PAMR1: variants seen among roughly 807,000 people sequenced by gnomAD.
PAMR1 encodes inactive serine protease PAMR1.
In PAMR1, 88 loss-of-function variants were observed where a neutral mutation model predicts 81.8. The observed-to-expected ratio is 1.08, with a 90% CI of 0.91 to 1.28. PAMR1 has a LOEUF of 1.28. Ranked by LOEUF, PAMR1 falls within the 50% of genes most tolerant of loss-of-function variation. PAMR1 has a pLI of 0.00. For missense variants in PAMR1, 935 were observed against 919.7 expected (o/e 1.02, Z -0.21); for synonymous variants, 336 against 345.3 (o/e 0.97, Z 0.30).
upstream of PAMR1, chr11:35,529,851 A>C (rs1484602040): frequency 6.6e-6 from 1 of 152,230 alleles, no homozygotes; most frequent in Admixed American, 6.5e-5. Context: ...CAGGAATAAA[A>C]AATTGGCTGT....
At position 35,470,703 on chromosome 11, in the gene PAMR1, G is replaced by T. The variant is rs1310498920; in HGVS notation, c.610C>A (p.Pro204Thr). The T allele has an allele frequency of 6.2e-7, 1 of 1,614,134 alleles. No homozygotes were observed. Among genetic ancestry groups the T allele is most frequent in the African/African-American group, 1.3e-5 (1 of 75,036 alleles). Reference protein sequence around the residue: ...IIKRVCGNERPAPIQSIGSSL... With the variant: ...IIKRVCGNERTAPIQSIGSSL... ...GATCCTATGCTCTGGATAGGAGCTGGCCGCTCGTTGCCACAGACACGCTTG... is the reference window on the plus strand; with the variant it reads ...GATCCTATGCTCTGGATAGGAGCTGTCCGCTCGTTGCCACAGACACGCTTG... Residue 204 changes from proline (P) to threonine (T), a missense_variant, in exon 5 of 11, where the codon CCA becomes ACA. Coordinates refer to ENST00000619888, the MANE Select transcript of PAMR1 (RefSeq NM_001001991.3).
chr11:35,480,094 A>G (rs1051167985), intron 3 of PAMR1, among the ~76,000 whole-genome samples: 3 of 152,218 alleles, frequency 2.0e-5, no homozygotes. Flanking sequence ...GAGCAGGAAT[A>G]TCATCTGTCC....
At chr11:35,517,762 A>G (rs1851193772) in intron 1 of PAMR1, among the ~76,000 whole-genome samples, 1 of 152,212 alleles carries the variant, frequency 6.6e-6, no homozygotes, top group African/African-American at 2.4e-5. Flanking sequence ...CTCTCAGTAG[A>G]TTGCAAGTGC....
chr11:35,522,807 C>A (rs1851307482), intron 1 of PAMR1, among the ~76,000 whole-genome samples: 1 of 152,154 alleles, frequency 6.6e-6, no homozygotes, highest in African/African-American at 2.4e-5. Context: ...CTCTCTGAAC[C>A]TCATCTGTAA....
At chr11:35,440,586 C>A (rs1449832408) in intron 7 of PAMR1, among the ~76,000 whole-genome samples, 2 of 152,136 alleles carry the variant, frequency 1.3e-5, no homozygotes, top group Non-Finnish European at 2.9e-5. Context: ...CAGTAAACAG[C>A]CAGATCATTG....
At chr11:35,517,875 T>C (rs967096614) in intron 1 of PAMR1, among the ~76,000 whole-genome samples, 3 of 152,210 alleles carry the variant, frequency 2.0e-5, no homozygotes, top group Non-Finnish European at 4.4e-5. Context: ...AATAAATACA[T>C]GAATATGGAC....
chr11:35,461,256 G>A (rs1286990611), intron 6 of PAMR1, among the ~76,000 whole-genome samples: 2 of 152,240 alleles, frequency 1.3e-5, no homozygotes, highest in African/African-American at 2.4e-5. Flanking sequence ...CAAAGCGTAA[G>A]CAAAGCGTTA....
chr11:35,442,767 T>A (rs539580004), intron 6 of PAMR1, among the ~76,000 whole-genome samples: 16 of 152,042 alleles, frequency 1.1e-4, no homozygotes, highest in African/African-American at 3.9e-4. Context: ...ACACACCAGC[T>A]AATTTTTGTA....
chr11:35,476,284 C>T (rs140525787), intron 3 of PAMR1, among the ~76,000 whole-genome samples: 9 of 152,274 alleles, frequency 5.9e-5, no homozygotes, highest in South Asian at 4.1e-4. Context: ...CCTAGTAATA[C>T]GGTTTGGCTG....
Position 35,441,648 on chromosome 11 carries a change from C to G in PAMR1, c.866G>C (p.Gly289Ala), listed in dbSNP as rs767585784. ...AGGGCCCCCTGTTATTTTCTGGTAC[C>G]CATTGACTGGGCCCCCAGGGTCTGA... Reference protein sequence around the residue: ...NCSDPGGPVNGYQKITGGPGL... With the variant: ...NCSDPGGPVNAYQKITGGPGL... Residue 289 changes from glycine (G) to alanine (A), a missense_variant, in exon 7 of 11, where the codon GGG (glycine) becomes GCG (alanine). Gly to Ala is a moderately conservative substitution (Grantham distance 60). Transcript: ENST00000619888. 13 of 1,613,858 alleles carry G rather than the reference C, an allele frequency of 8.1e-6. No homozygotes were observed. Among genetic ancestry groups the G allele is most frequent in the Non-Finnish European group, 8.5e-7 (1 of 1,179,850 alleles).
intron 2 of PAMR1, among the ~76,000 whole-genome samples, chr11:35,493,146 C>A (rs1260620110): frequency 6.6e-6 from 1 of 152,166 alleles, no homozygotes; most frequent in East Asian, 1.9e-4. Context: ...ATCCCTCTAC[C>A]TCTCACCATC....
intron 1 of PAMR1, among the ~76,000 whole-genome samples, chr11:35,498,269 TGA>T (rs1850764755): frequency 2.0e-5 from 3 of 151,902 alleles, no homozygotes; most frequent in South Asian, 4.2e-4. Flanking sequence ...GGAGGGAGAG[TGA>T]GAGAGAACAA....
intron 2 of PAMR1, among the ~76,000 whole-genome samples, chr11:35,492,873 A>C (rs897774999): frequency 1.3e-5 from 2 of 152,202 alleles, no homozygotes; most frequent in Admixed American, 1.3e-4. Context: ...GGGTCGTGAG[A>C]AAAAGTACAA....
intron 5 of PAMR1, among the ~76,000 whole-genome samples, chr11:35,469,349 G>T (rs1460443757): frequency 6.6e-6 from 1 of 152,240 alleles, no homozygotes; most frequent in African/African-American, 2.4e-5. Context: ...AGAGGAGCAA[G>T]ACATTCTCCT....
Position 35,492,098 on chromosome 11 carries a change from T to C in PAMR1, c.326A>G (p.Lys109Arg). ...TCGGCACTCTGCACAGTAGAACCCC[T>C]TCACATAGAAGTCATCCAAGGTACC... The part of the protein sequence containing the change: ...WGGTLDDFYV[K>R]GFYCAECRAG... The change falls in exon 3 of 11, where the codon AAG (lysine) becomes AGG (arginine). Residue 109 changes from lysine (K) to arginine (R), a missense_variant. Transcript: ENST00000619888. 6.2e-7 allele frequency: 1 copy of C among 1,614,080 alleles called. No homozygotes were observed. The highest frequency in any genetic ancestry group is 2.2e-5 in the East Asian group (1 of 44,886).
chr11:35,476,899 C>A (rs190544066), intron 3 of PAMR1, among the ~76,000 whole-genome samples: 2 of 151,940 alleles, frequency 1.3e-5, no homozygotes, highest in Non-Finnish European at 2.9e-5. Context: ...TGCCCAACTC[C>A]GGCCCTTGTA....
intron 1 of PAMR1, among the ~76,000 whole-genome samples, chr11:35,498,940 G>A (rs1279569231): frequency 1.3e-5 from 2 of 152,172 alleles, no homozygotes; most frequent in Admixed American, 1.3e-4. Context: ...CCACAGTTGA[G>A]AATCGTTTTC....
rs183773638 is a variant in PAMR1 at position 35,466,585 on chromosome 11, G to T, written c.820+1416C>A. ...TGTTAAAAATACAAAAAATTAGCCG[G>T]GTGTGGTGGCGGGCGCCTGTAGTCC... is the stretch of plus-strand genomic sequence containing the variant. On this transcript the variant is annotated intron_variant, in intron 6 of 10. Coordinates refer to ENST00000619888, the MANE Select transcript of PAMR1 (RefSeq NM_001001991.3). Among the ~76,000 whole-genome samples the T allele has an allele frequency of 7.9e-3, 1,194 of 151,976 alleles. 10 individuals are homozygous for T. Among genetic ancestry groups the T allele is most frequent in the African/African-American group, 0.028 (1,143 of 41,402 alleles).
At chr11:35,462,062 T>C (rs541637158) in intron 6 of PAMR1, among the ~76,000 whole-genome samples, 2 of 149,980 alleles carry the variant, frequency 1.3e-5, no homozygotes, top group Admixed American at 6.6e-5. Context: ...CTTCTCCCTG[T>C]CCGTTTAACA....
Sources: allele counts gnomAD v4.1 joint callset (sites outside exome capture counted in the v4.1 genomes callset), GRCh38; gene constraint gnomAD v4.1.1; transcripts MANE v1.5; gene names NCBI Gene and HGNC (gene_info 2026-07-23, HGNC 2026-07-21).